Variants in CACNA1H observed in about 807,000 individuals in gnomAD.
CACNA1H encodes voltage-dependent T-type calcium channel subunit alpha-1H.
CACNA1H carries 149 observed loss-of-function variants against 192.5 expected under a neutral mutation model. That is an observed-to-expected ratio of 0.77 (90% CI 0.68 to 0.89). The LOEUF is 0.89. Among genes scored for constraint, CACNA1H ranks in the 40% least tolerant of loss-of-function variants. CACNA1H has a pLI of 0.00. For synonymous variants in CACNA1H, 2,202 were observed against 1,475.2 expected (o/e 1.49, Z -11.29); for missense variants, 4,257 against 3,423.5 (o/e 1.24, Z -6.08).
chr16:1,208,078 C>T lies in CACNA1H; in HGVS notation c.3220C>T (p.Pro1074Ser). 2 of 1,602,464 alleles carry T rather than the reference C, an allele frequency of 1.2e-6. No individual in the cohort carries two copies. The highest frequency in any genetic ancestry group is 1.7e-6 in the Non-Finnish European group (2 of 1,175,638). ...CCTGGAGGGACGAGGCAGCCTGTCC[C>T]CTCCCCTCATCATGTGCACAGCTGC... ...GHLEGRGSLS[P>S]PLIMCTAATP... Residue 1074 changes from proline (P) to serine (S), a missense_variant, in exon 16 of 35, where the codon CCT becomes TCT. Coordinates refer to ENST00000348261, the MANE Select transcript of CACNA1H (RefSeq NM_021098.3).
rs778337685 is a variant in CACNA1H, at chr16:1,202,120, C to T, written c.1670C>T (p.Pro557Leu). The change falls in exon 9 of 35, where the codon CCC becomes CTC. Residue 557 changes from proline to leucine, a missense_variant. Transcript: ENST00000348261. ...DTRLVRAGAP[P>L]SPPSPGRGPP... ...AGGCTGGTCCGAGCTGGCGCGCCCC[C>T]CTCGCCACCTTCCCCAGGCCGCGGA... is the stretch of plus-strand genomic sequence containing the variant. 1 of 1,547,048 alleles carries T rather than the reference C, an allele frequency of 6.5e-7. No homozygotes were observed. The highest frequency in any genetic ancestry group is 1.2e-5 in the South Asian group (1 of 84,000).
intron 5 of CACNA1H, among the ~76,000 whole-genome samples, chr16:1,198,120 C>T (rs1015029677): frequency 6.6e-6 from 1 of 152,168 alleles, no homozygotes; most frequent in African/African-American, 2.4e-5. Context: ...GGCAGCCCAC[C>T]ACCTGAGGTT....
intron 2 of CACNA1H, among the ~76,000 whole-genome samples, chr16:1,161,427 C>A (rs917181331): frequency 2.6e-5 from 4 of 152,218 alleles, no homozygotes; most frequent in Non-Finnish European, 4.4e-5. Flanking sequence ...CTCTGGGCCC[C>A]TCACTGGCCT....
In CACNA1H at chr16:1,220,002, T is replaced by A; in HGVS notation, c.6070T>A (p.Leu2024Met). ...ACAGGAGGCTGTGCACACCGATTCC[T>A]TGGAAGGGAAGATTGACAGCCCTAG... ...CRQEAVHTDS[L>M]EGKIDSPRDT... Residue 2024 changes from leucine to methionine, a missense_variant, in exon 35 of 35, where the codon TTG becomes ATG. Physicochemically the swap from Leu to Met is conservative, Grantham distance 15. Coordinates refer to ENST00000348261, the MANE Select transcript of CACNA1H (RefSeq NM_021098.3). The A allele has an allele frequency of 1.5e-6, 2 of 1,349,260 alleles. No individual in the cohort carries two copies. 83.6% of individuals were successfully genotyped at this position (1,349,260 alleles called of 1,614,324 possible).
At chr16:1,160,837 T>C (rs1963100672) in intron 2 of CACNA1H, among the ~76,000 whole-genome samples, 1 of 151,898 alleles carries the variant, frequency 6.6e-6, no homozygotes, top group Admixed American at 6.6e-5. Context: ...GCCGCCTGCG[T>C]TTGGAGGCCC....
At chr16:1,179,325 G>C (rs1965229540) in intron 2 of CACNA1H, among the ~76,000 whole-genome samples, 1 of 152,174 alleles carries the variant, frequency 6.6e-6, no homozygotes, top group Admixed American at 6.5e-5. Flanking sequence ...TGTGGTGGAC[G>C]GAAACCCTGG....
intron 3 of CACNA1H, 115 bp from the exon 4 acceptor site, chr16:1,195,316 AG>A (rs1966866979): frequency 2.6e-6 from 2 of 763,512 alleles, no homozygotes; most frequent in Admixed American, 4.3e-5. Flanking sequence ...AGGGCGGGGC[AG>A]GGGCGGGGCG....
At chr16:1,168,193 TC>T (rs779177552) in intron 2 of CACNA1H, among the ~76,000 whole-genome samples, 1,471 of 133,136 alleles carry the variant, frequency 0.011, 15 homozygotes, top group African/African-American at 0.02. Context: ...TGATGTGGGA[TC>T]CCCCCCCCCA....
intron 2 of CACNA1H, among the ~76,000 whole-genome samples, chr16:1,192,460 G>T (rs1966707904): frequency 6.6e-6 from 1 of 152,252 alleles, no homozygotes; most frequent in African/African-American, 2.4e-5. Context: ...GGCTGGTCAG[G>T]GGTGCTGGCC....
chr16:1,205,345 C>T (rs59984964), intron 11 of CACNA1H, 80 bp downstream of exon 11: 14 of 1,415,342 alleles, frequency 9.9e-6, no homozygotes, highest in African/African-American at 1.4e-5. Context: ...CAGAGCAAAA[C>T]CCAGAGCACA....
Position 1,210,937 on chromosome 16 carries a change from G to T in CACNA1H, c.4189G>T (p.Val1397Leu). Residue 1397 changes from valine to leucine, a missense_variant, in exon 21 of 35, where the codon GTG (valine) becomes TTG (leucine). Physicochemically the swap from Val to Leu is conservative, Grantham distance 32. Transcript: ENST00000348261. ...CGCCAAGATCCTGGGTGTTCTGCGC[G>T]TGCTGCGTCTGCTGCGGACCCTGCG... The part of the protein sequence containing the change: ...GGAKILGVLR[V>L]LRLLRTLRPL... The T allele has an allele frequency of 6.2e-7, 1 of 1,601,082 alleles. No individual in the cohort carries two copies. Among genetic ancestry groups the T allele is most frequent in the Non-Finnish European group, 8.5e-7 (1 of 1,179,534 alleles).
intron 2 of CACNA1H, among the ~76,000 whole-genome samples, chr16:1,158,460 G>A (rs1962726271): frequency 6.6e-6 from 1 of 152,188 alleles, no homozygotes; most frequent in Non-Finnish European, 1.5e-5. Context: ...GCAGGGTAGG[G>A]GTCTGCCGAG....
At chr16:1,202,500 G>T in intron 9 of CACNA1H, 48 bp downstream of exon 9, 1 of 1,423,582 alleles carries the variant, frequency 7.0e-7, no homozygotes, top group South Asian at 1.5e-5. Context: ...GACCTAGGCA[G>T]GGCGGGCAGG....
intron 2 of CACNA1H, among the ~76,000 whole-genome samples, chr16:1,188,696 T>C (rs1197487820): frequency 6.6e-6 from 1 of 152,130 alleles, no homozygotes; most frequent in Admixed American, 6.5e-5. Context: ...TGGGAGTCTT[T>C]TTCCTCCTCG....
chr16:1,219,991 A>C lies in CACNA1H; in HGVS notation c.6059A>C (p.His2020Pro). The C allele has an allele frequency of 7.5e-7, 1 of 1,334,892 alleles. No homozygotes were observed. Among genetic ancestry groups the C allele is most frequent in the Non-Finnish European group, 9.6e-7 (1 of 1,039,058 alleles). 82.7% of individuals were successfully genotyped at this position (1,334,892 alleles called of 1,614,324 possible). Reference sequence around the variant, plus strand: ...TCTACGCCCCCACAGGAGGCTGTGCACACCGATTCCTTGGAAGGGAAGATT... The same window carrying C: ...TCTACGCCCCCACAGGAGGCTGTGCCCACCGATTCCTTGGAAGGGAAGATT... ...SRLLCRQEAV[H>P]TDSLEGKIDS... The change falls in exon 35 of 35, where the codon CAC becomes CCC. Residue 2020 changes from histidine (H) to proline (P), a missense_variant. Coordinates refer to ENST00000348261, the MANE Select transcript of CACNA1H (RefSeq NM_021098.3).
In CACNA1H at chr16:1,219,055, C is replaced by T. The variant is rs753397534; in HGVS notation, c.5973C>T (p.Ser1991=). The change falls in exon 34 of 35, where the codon AGC becomes AGT. Residue 1991 remains serine, a synonymous_variant. Coordinates refer to ENST00000348261, the MANE Select transcript of CACNA1H (RefSeq NM_021098.3). The part of the protein sequence containing the change: ...IPLAVSSPAR[S]GEPLHALSPR... ...TGGCTGTGTCGTCCCCAGCCAGGAG[C>T]GGCGAGCCCCTCCACGCCCTGTCCC... is the stretch of plus-strand genomic sequence containing the variant. The T allele has an allele frequency of 2.0e-5, 31 of 1,549,588 alleles. 1 individual carries two copies. The highest frequency in any genetic ancestry group is 3.6e-5 in the South Asian group (3 of 84,052).
At chr16:1,162,938 C>G (rs1225923522) in intron 2 of CACNA1H, among the ~76,000 whole-genome samples, 1 of 152,218 alleles carries the variant, frequency 6.6e-6, no homozygotes, top group South Asian at 2.1e-4. Flanking sequence ...GGCCACTCCA[C>G]GGGTGCCTGG....
chr16:1,205,177 G>A lies in CACNA1H; in HGVS notation c.2515G>A (p.Glu839Lys). Residue 839 changes from glutamate to lysine, a missense_variant, in exon 11 of 35, where the codon GAG (glutamate) becomes AAG (lysine). Glu to Lys is a moderately conservative substitution (Grantham distance 56, BLOSUM62 1). Transcript: ENST00000348261. ...NIVFTSMFAL[E>K]MLLKLLACGP... ...CGTGTTCACCAGCATGTTTGCCCTGGAGATGCTGCTGAAGCTGCTGGCCTG... is the reference window on the plus strand; with the variant it reads ...CGTGTTCACCAGCATGTTTGCCCTGAAGATGCTGCTGAAGCTGCTGGCCTG... 3.7e-6 allele frequency: 6 copies of A among 1,613,124 alleles called. No individual in the cohort carries two copies. The highest frequency in any genetic ancestry group is 5.1e-6 in the Non-Finnish European group (6 of 1,179,774).
In CACNA1H at chr16:1,195,090, GGCGTGGGTCGGGGTGGGGAAGGA is replaced by G. The variant is rs771924845; in HGVS notation, c.411+18_411+40del. ...GCGCTGCAACATCCTGGAGGTGAGG[GGCGTGGGTCGGGGTGGGGAAGGA>G]GCGTGGGTCGCTACGAGGTTTATGG... is the stretch of plus-strand genomic sequence containing the variant. On this transcript the variant is annotated splice_region_variant and intron_variant, in intron 3 of 34. Coordinates refer to ENST00000348261, the MANE Select transcript of CACNA1H (RefSeq NM_021098.3). The G allele has an allele frequency of 6.6e-5, 104 of 1,585,738 alleles. No individual in the cohort carries two copies. The highest frequency in any genetic ancestry group is 2.8e-4 in the South Asian group (25 of 90,486).
Sources: gnomAD v4.1 joint callset for allele counts (sites outside exome capture counted in the v4.1 genomes callset) on GRCh38, gnomAD v4.1.1 for gene constraint, MANE v1.5 for transcripts, NCBI Gene and HGNC (gene_info 2026-07-23, HGNC 2026-07-21) for gene names.